The following SOX6 variants were observed in gnomAD, a reference collection of about 807,000 sequenced individuals.
SOX6 encodes the protein SRY-box transcription factor 6.
Under a neutral mutation model 97.8 loss-of-function variants are expected in SOX6, and 11 were observed. The ratio of observed to expected loss-of-function variants is 0.11; its 90% CI spans 0.07 to 0.19. The LOEUF is 0.19. Ranked by LOEUF, SOX6 falls within the 10% of genes least tolerant of loss-of-function variation. SOX6 has a pLI of 1.00. For missense variants in SOX6, 810 were observed against 1,039.5 expected (o/e 0.78, Z 3.04); for synonymous variants, 360 against 371.4 (o/e 0.97, Z 0.35).
At chr11:16,200,953 T>A (rs1851918824) in intron 4 of SOX6, among the ~76,000 whole-genome samples, 1 of 151,504 alleles carries the variant, frequency 6.6e-6, no homozygotes, top group African/African-American at 2.4e-5. Context: ...TAAAAATATA[T>A]ACATATATAT....
chr11:16,173,324 T>TG (rs1851090910), intron 6 of SOX6, among the ~76,000 whole-genome samples: 2 of 151,820 alleles, frequency 1.3e-5, no homozygotes, highest in African/African-American at 4.8e-5. Context: ...TCTAAGCTCC[T>TG]GGGGGGTTTC....
At chr11:16,416,604 G>C (rs570493201) in intron 1 of SOX6, among the ~76,000 whole-genome samples, 154 of 152,202 alleles carry the variant, frequency 1.0e-3, no homozygotes, top group African/African-American at 3.6e-3. Context: ...CTCAGAATTT[G>C]GACTTTAAGC....
chr11:16,443,004 C>T (rs1417752947), intron 1 of SOX6, among the ~76,000 whole-genome samples: 1 of 152,132 alleles, frequency 6.6e-6, no homozygotes, highest in Non-Finnish European at 1.5e-5. Flanking sequence ...CTCTGCCCCA[C>T]ATGCAGCAAT....
chr11:16,032,855 T>G (rs924566333), intron 12 of SOX6, among the ~76,000 whole-genome samples: 2 of 152,156 alleles, frequency 1.3e-5, no homozygotes, highest in African/African-American at 4.8e-5. Flanking sequence ...CCTGCCTACC[T>G]ACTCCAGCCT....
intron 2 of SOX6, among the ~76,000 whole-genome samples, chr11:16,717,472 T>A (rs1242949528): frequency 1.3e-5 from 2 of 152,178 alleles, no homozygotes; most frequent in Non-Finnish European, 2.9e-5. Flanking sequence ...TTATTCATTT[T>A]TCTATTTCTT....
At chr11:16,368,512 A>G (rs1857416684) in intron 1 of SOX6, among the ~76,000 whole-genome samples, 4 of 152,168 alleles carry the variant, frequency 2.6e-5, no homozygotes, top group Admixed American at 2.6e-4. Context: ...AAGAATTAAA[A>G]AATGTCTTTT....
At chr11:16,647,323 G>C (rs1024499334) in intron 3 of SOX6, among the ~76,000 whole-genome samples, 5 of 151,994 alleles carry the variant, frequency 3.3e-5, no homozygotes, top group African/African-American at 1.2e-4. Context: ...GCTATAGATA[G>C]TATGTCCATT....
intron 4 of SOX6, among the ~76,000 whole-genome samples, chr11:16,577,598 G>A (rs1011096120): frequency 2.0e-5 from 3 of 152,020 alleles, no homozygotes; most frequent in African/African-American, 7.2e-5. Flanking sequence ...TTAGTTTCTG[G>A]GTTTGTTTGC....
At chr11:16,404,377 T>C (rs1053156518) in intron 1 of SOX6, among the ~76,000 whole-genome samples, 1 of 151,906 alleles carries the variant, frequency 6.6e-6, no homozygotes, top group African/African-American at 2.4e-5. Context: ...CCACGGGAAT[T>C]CTGCAACACT....
At chr11:16,156,479 T>C (rs561424867) in intron 6 of SOX6, among the ~76,000 whole-genome samples, 14 of 152,140 alleles carry the variant, frequency 9.2e-5, no homozygotes, top group African/African-American at 2.9e-4. Flanking sequence ...CCAGACTCCA[T>C]TTCCAAGTTT....
chr11:16,390,944 A>G (rs1004465438), intron 1 of SOX6, among the ~76,000 whole-genome samples: 2 of 152,200 alleles, frequency 1.3e-5, no homozygotes, highest in East Asian at 3.8e-4. Flanking sequence ...AACCAACCCA[A>G]ACGTCCATCA....
intron 4 of SOX6, among the ~76,000 whole-genome samples, chr11:16,555,116 G>A (rs1391021324): frequency 6.6e-6 from 1 of 151,648 alleles, no homozygotes; most frequent in Non-Finnish European, 1.5e-5. Flanking sequence ...CTAGCCAGCA[G>A]GACAATTTGC....
chr11:16,591,371 A>G (rs1239040424), intron 4 of SOX6, among the ~76,000 whole-genome samples: 1 of 151,616 alleles, frequency 6.6e-6, no homozygotes, highest in Non-Finnish European at 1.5e-5. Flanking sequence ...AGATAGATAG[A>G]TAGATTTCAG....
At chr11:16,020,606 C>T (rs566542409) in intron 12 of SOX6, among the ~76,000 whole-genome samples, 1 of 152,192 alleles carries the variant, frequency 6.6e-6, no homozygotes, top group Non-Finnish European at 1.5e-5. Context: ...CCACGATCAT[C>T]CTTCCTTCTC....
intron 10 of SOX6, among the ~76,000 whole-genome samples, chr11:16,053,960 C>T (rs1331093962): frequency 6.6e-6 from 1 of 151,448 alleles, no homozygotes; most frequent in Admixed American, 6.6e-5. Context: ...ATATTTTTAC[C>T]CATATATACA....
chr11:16,276,986 A>T (rs4757390), intron 3 of SOX6, among the ~76,000 whole-genome samples: 79,961 of 152,006 alleles, frequency 0.53, 21,983 homozygotes, highest in Non-Finnish European at 0.6. Context: ...TAGTAAAAAC[A>T]GTTTAATCTA....
intron 1 of SOX6, among the ~76,000 whole-genome samples, chr11:16,368,229 C>A (rs943033355): frequency 2.0e-5 from 3 of 152,138 alleles, no homozygotes; most frequent in Non-Finnish European, 2.9e-5. Flanking sequence ...GGTCTCTAGT[C>A]TGTTTCTCTC....
chr11:16,664,053 A>G (rs1237080938), intron 3 of SOX6, among the ~76,000 whole-genome samples: 1 of 152,104 alleles, frequency 6.6e-6, no homozygotes, highest in Non-Finnish European at 1.5e-5. Context: ...ACTTGAGCCT[A>G]AGAGTTCAAG....
At chr11:16,645,824 G>C (rs773975857) in intron 3 of SOX6, among the ~76,000 whole-genome samples, 56 of 152,222 alleles carry the variant, frequency 3.7e-4, no homozygotes, top group Non-Finnish European at 6.3e-4. Flanking sequence ...AGAACTGTGA[G>C]AATAAAATTC....
Sources: allele counts gnomAD v4.1 joint callset (sites outside exome capture counted in the v4.1 genomes callset), GRCh38; gene constraint gnomAD v4.1.1; transcripts MANE v1.5; gene names NCBI Gene and HGNC (gene_info 2026-07-23, HGNC 2026-07-21).